Variants in FBXW4 observed in about 807,000 individuals in gnomAD.
The protein encoded by FBXW4 is F-box/WD repeat-containing protein 4.
Under a neutral mutation model 61.8 loss-of-function variants are expected in FBXW4, and 40 were observed. That is an observed-to-expected ratio of 0.65 (90% CI 0.50 to 0.84). The LOEUF is 0.84. Among genes scored for constraint, FBXW4 ranks in the 40% least tolerant of loss-of-function variants. The pLI, the probability that FBXW4 is intolerant of heterozygous loss-of-function variation, is 0.00. For synonymous variants in FBXW4, 311 were observed against 313.8 expected (o/e 0.99, Z 0.10); for missense variants, 672 against 753.8 (o/e 0.89, Z 1.27).
intron 5 of FBXW4, among the ~76,000 whole-genome samples, chr10:101,647,897 T>A (rs1235911830): frequency 2.0e-5 from 3 of 152,082 alleles, no homozygotes. Context: ...CAACTTCCCA[T>A]CCCACCCCCA....
intron 6 of FBXW4, among the ~76,000 whole-genome samples, chr10:101,615,852 C>G (rs1177874906): frequency 2.0e-5 from 3 of 152,174 alleles, no homozygotes; most frequent in African/African-American, 7.2e-5. Flanking sequence ...TACCCCTGCC[C>G]ACCAAGTCTG....
intron 4 of FBXW4, among the ~76,000 whole-genome samples, chr10:101,670,909 A>C (rs4919578): frequency 4.6e-5 from 7 of 152,236 alleles, no homozygotes; most frequent in Non-Finnish European, 8.8e-5. Context: ...CTAGCTCAGA[A>C]GTCTTGCAAA....
intron 5 of FBXW4, among the ~76,000 whole-genome samples, chr10:101,643,480 T>C (rs1474942818): frequency 1.3e-5 from 2 of 152,212 alleles, no homozygotes; most frequent in Non-Finnish European, 1.5e-5. Flanking sequence ...CCGCGTTTGC[T>C]CCCTTCGGTA....
chr10:101,638,331 G>A (rs2134839354), intron 5 of FBXW4, among the ~76,000 whole-genome samples: 1 of 152,224 alleles, frequency 6.6e-6, no homozygotes, highest in South Asian at 2.1e-4. Flanking sequence ...GCCTCGTAGG[G>A]AGATGAGAAA....
chr10:101,625,443 T>C (rs1413466308), intron 5 of FBXW4: 2 of 151,196 alleles, frequency 1.3e-5, no homozygotes, highest in African/African-American at 4.9e-5. Flanking sequence ...TTCTGGAGAG[T>C]GGGATGGGAG....
At position 101,677,182 on chromosome 10, in the gene FBXW4, C is replaced by T. The variant is rs148163606; in HGVS notation, c.726-746G>A. On this transcript the variant is annotated intron_variant, in intron 1 of 8. Transcript: ENST00000331272. ...TCTAAACATATGTGTACTCTATGAC[C>T]TAGGAATAACCTTAGAGAAACAAAA... Among the ~76,000 whole-genome samples, 102 of 152,202 alleles carry T rather than the reference C, an allele frequency of 6.7e-4. 1 individual carries two copies. In the East Asian group the frequency reaches 0.019, roughly 28 times the overall value.
At chr10:101,657,639 C>CAAAAAAA (rs35721394) in intron 5 of FBXW4, among the ~76,000 whole-genome samples, 1 of 56,126 alleles carries the variant, frequency 1.8e-5, no homozygotes, top group Non-Finnish European at 3.0e-5. Context: ...GACTCTGTCT[C>CAAAAAAA]AAAAAAAAAA....
At chr10:101,640,482 CTCTTTTT>C (rs1404044952) in intron 5 of FBXW4, among the ~76,000 whole-genome samples, 1 of 88,928 alleles carries the variant, frequency 1.1e-5, no homozygotes, top group Non-Finnish European at 2.2e-5. Flanking sequence ...TTCTTTCTTT[CTCTTTTT>C]TTTTTTTTTT....
intron 5 of FBXW4, among the ~76,000 whole-genome samples, chr10:101,636,732 T>A (rs1472640945): frequency 1.3e-5 from 2 of 151,864 alleles, no homozygotes; most frequent in African/African-American, 4.8e-5. Flanking sequence ...GGATTACAGG[T>A]GCCTGCCACC....
At chr10:101,663,242 T>C (rs540510666) in intron 5 of FBXW4, among the ~76,000 whole-genome samples, 1 of 152,142 alleles carries the variant, frequency 6.6e-6, no homozygotes, top group African/African-American at 2.4e-5. Flanking sequence ...GCACTTAGTA[T>C]AATCTGGCAA....
Position 101,694,980 on chromosome 10 carries a change from C to T in FBXW4, c.126G>A (p.Lys42=). 1 of 1,169,164 alleles carries T rather than the reference C, an allele frequency of 8.6e-7. No individual in the cohort carries two copies. Among genetic ancestry groups the T allele is most frequent in the East Asian group, 3.8e-5 (1 of 26,104 alleles). The allele number at this position is 1,169,164 out of a possible 1,614,324, so 72.4% of individuals were successfully genotyped here. A position where few individuals can be genotyped will look rare whatever the true frequency, so the allele number is the denominator to read the frequency against. Residue 42 remains lysine (K), a synonymous_variant, in exon 1 of 9, where the codon AAG becomes AAA. Transcript: ENST00000331272. The surrounding 1 kb of genome is among the most constrained non-coding windows in gnomAD (Gnocchi z 6.0). ...CGCCTTGCCCCGCTCTCGCTTTTCC[C>T]TTCCCCTTCCCCTTCCTTCGCTTCC... ...ARGKRRKGKG[K]GKARAGQGGR... is the part of the protein sequence containing the mutation.
chr10:101,616,290 T>A (rs528469828), intron 6 of FBXW4, among the ~76,000 whole-genome samples: 18 of 150,282 alleles, frequency 1.2e-4, no homozygotes, highest in African/African-American at 2.2e-4. Context: ...GAATGGGAGG[T>A]TTTTCCTCCC....
At chr10:101,665,812 G>C (rs748661579) in intron 5 of FBXW4, among the ~76,000 whole-genome samples, 20 of 152,138 alleles carry the variant, frequency 1.3e-4, no homozygotes, top group African/African-American at 4.8e-4. Flanking sequence ...ACACATTCCA[G>C]AGGAGGAGGC....
chr10:101,670,539 C>G (rs1368896268), intron 4 of FBXW4, among the ~76,000 whole-genome samples: 1 of 152,236 alleles, frequency 6.6e-6, no homozygotes, highest in Non-Finnish European at 1.5e-5. Flanking sequence ...GGCTCTTGCC[C>G]TAGAGCTTTA....
In FBXW4 at chr10:101,660,136, A is replaced by G. The variant is rs575405638; in HGVS notation, c.1235+7750T>C. On this transcript the variant is annotated intron_variant, in intron 5 of 8. Coordinates refer to ENST00000331272, the MANE Select transcript of FBXW4 (RefSeq NM_022039.4). Reference sequence around the variant, plus strand: ...TGTGTGTCCCTTGAAGAGCTGAGAAAGCACAGGTCAGATAAGAGGAGAAAG... The same window carrying G: ...TGTGTGTCCCTTGAAGAGCTGAGAAGGCACAGGTCAGATAAGAGGAGAAAG... The G allele has an allele frequency of 1.1e-3, 1,109 of 985,446 alleles. 28 individuals are homozygous for G. The South Asian group carries it at 0.047, about 42-fold the overall frequency. The allele number at this position is 985,446 out of a possible 1,614,324, so 61.0% of individuals were successfully genotyped here.
chr10:101,687,781 C>T (rs1356058264), intron 1 of FBXW4, among the ~76,000 whole-genome samples: 1 of 152,102 alleles, frequency 6.6e-6, no homozygotes, highest in African/African-American at 2.4e-5. Flanking sequence ...CAGCCCTTGC[C>T]CAATATCCCT....
intron 1 of FBXW4, among the ~76,000 whole-genome samples, chr10:101,678,307 TC>T (rs1280568547): frequency 6.6e-6 from 1 of 152,230 alleles, no homozygotes; most frequent in Non-Finnish European, 1.5e-5. Context: ...CCCATATATC[TC>T]CTGTGTCTCC....
At chr10:101,614,602 G>A (rs776875252) in intron 6 of FBXW4, among the ~76,000 whole-genome samples, 3 of 152,226 alleles carry the variant, frequency 2.0e-5, no homozygotes, top group Admixed American at 1.3e-4. Flanking sequence ...TGCTCTGCCC[G>A]CACAGCCTGG....
intron 5 of FBXW4, among the ~76,000 whole-genome samples, chr10:101,636,409 A>G (rs989425452): frequency 6.6e-6 from 1 of 151,746 alleles, no homozygotes; most frequent in African/African-American, 2.4e-5. Context: ...AAAAAAAAAA[A>G]CAAAAAAGAA....
Sources: allele counts gnomAD v4.1 joint callset (sites outside exome capture counted in the v4.1 genomes callset), GRCh38; gene constraint gnomAD v4.1.1; non-coding constraint Gnocchi (gnomAD v3.1); transcripts MANE v1.5; gene names NCBI Gene and HGNC (gene_info 2026-07-23, HGNC 2026-07-21).